Variants in BRD1 observed in about 807,000 individuals in gnomAD.
BRD1 encodes the protein bromodomain containing 1.
Under a neutral mutation model 107.7 loss-of-function variants are expected in BRD1, and 24 were observed. The ratio of observed to expected loss-of-function variants is 0.22; its 90% CI spans 0.16 to 0.31. BRD1 has a LOEUF of 0.31. Among genes scored for constraint, BRD1 ranks in the 10% least tolerant of loss-of-function variants. BRD1 has a pLI of 1.00. For synonymous variants in BRD1, 744 were observed against 686.1 expected (o/e 1.08, Z -1.32); for missense variants, 1,279 against 1,638.6 (o/e 0.78, Z 3.79).
Position 49,792,387 on chromosome 22 carries a change from C to T in BRD1, c.2359+1647G>A, listed in dbSNP as rs2059451687. 6.6e-6 allele frequency among the ~76,000 whole-genome samples: 1 copy of T among 152,160 alleles called. No individual in the cohort carries two copies. The highest frequency in any genetic ancestry group is 2.4e-5 in the African/African-American group (1 of 41,434). On this transcript the variant is annotated intron_variant, in intron 7 of 12. Coordinates refer to ENST00000404760, the MANE Select transcript of BRD1 (RefSeq NM_001304808.3). The surrounding 1 kb of genome is among the most constrained non-coding windows in gnomAD (Gnocchi z 4.2). ...CACAGCCAGAGGATGCCTCGGTGGG[C>T]TGCACGGAAGCAAAGGCTGCGGGAC...
chr22:49,778,516 TC>T (rs890892209), intron 8 of BRD1, among the ~76,000 whole-genome samples: 4 of 152,116 alleles, frequency 2.6e-5, no homozygotes, highest in African/African-American at 9.7e-5. Context: ...CTCAGTATTT[TC>T]CCCCTAAAAA....
Position 49,787,372 on chromosome 22 carries a change from GC to G in BRD1, c.2857+17del. The G allele has an allele frequency of 1.3e-6, 2 of 1,594,002 alleles. No individual in the cohort carries two copies. Among genetic ancestry groups the G allele is most frequent in the Non-Finnish European group, 1.7e-6 (2 of 1,170,502 alleles). On this transcript the variant is annotated intron_variant, in intron 8 of 12. Transcript: ENST00000404760. ...CTGGTCGGCAAGGGCGCCTCTCAGG[GC>G]CGCCCGCGGCATTTACCTGCGTCCA...
At position 49,798,621 on chromosome 22, in the gene BRD1, C is replaced by G. The variant is rs1395458101; in HGVS notation, c.1722G>C (p.Val574=). The G allele has an allele frequency of 6.2e-7, 1 of 1,613,988 alleles. No homozygotes were observed. Among genetic ancestry groups the G allele is most frequent in the Non-Finnish European group, 8.5e-7 (1 of 1,180,012 alleles). Residue 574 remains valine, a synonymous_variant, in exon 5 of 13, where the codon GTG becomes GTC. Coordinates refer to ENST00000404760, the MANE Select transcript of BRD1 (RefSeq NM_001304808.3). The part of the protein sequence containing the change: ...LTPLTVLLRS[V]LDQLQDKDPA... ...GGTCCTTGTCTTGCAGCTGGTCCAG[C>G]ACTGAGCGCAGCAGCACCGTCAGCG...
intron 6 of BRD1, among the ~76,000 whole-genome samples, chr22:49,796,847 G>A (rs2059542903): frequency 6.6e-6 from 1 of 152,190 alleles, no homozygotes; most frequent in African/African-American, 2.4e-5. Flanking sequence ...CGGGAACGTG[G>A]ACCCCGCGAT....
At chr22:49,827,342 G>C (rs1319275093) in intron 1 of BRD1, among the ~76,000 whole-genome samples, 155 bp downstream of exon 1, 2 of 146,780 alleles carry the variant, frequency 1.4e-5, no homozygotes, top group African/African-American at 5.1e-5. Context: ...CCGGGCTCCC[G>C]GCCCGCAGAC....
rs927409851 is a variant in BRD1, at chr22:49,803,462, C to T, written c.1524+742G>A. ...CACTAGGCAGCGTGGGCAGAGGGCG[C>T]TGGCCGCAGGTCCTGGGCCGTGTGC... On this transcript the variant is annotated intron_variant, in intron 3 of 12. Coordinates refer to ENST00000404760, the MANE Select transcript of BRD1 (RefSeq NM_001304808.3). This position sits in a 1 kb window ranked among gnomAD's most constrained non-coding sequence, Gnocchi z 4.4. 6.6e-6 allele frequency among the ~76,000 whole-genome samples: 1 copy of T among 152,258 alleles called. No individual in the cohort carries two copies. The highest frequency in any genetic ancestry group is 1.5e-5 in the Non-Finnish European group (1 of 68,048).
intron 6 of BRD1, 30 bp downstream of exon 6, chr22:49,797,775 A>G (rs1180582836): frequency 1.3e-6 from 2 of 1,552,530 alleles, no homozygotes; most frequent in South Asian, 1.2e-5. Flanking sequence ...AGCGTCTTCC[A>G]CCTCCTCCGG....
At position 49,783,058 on chromosome 22, in the gene BRD1, T is replaced by C. The variant is rs1390035626; in HGVS notation, c.2857+4332A>G. Among the ~76,000 whole-genome samples, 13 of 144,636 alleles carry C rather than the reference T, an allele frequency of 9.0e-5. No individual in the cohort carries two copies. The highest frequency in any genetic ancestry group is 4.5e-4 in the South Asian group (2 of 4,440). 94.9% of individuals were successfully genotyped at this position (144,636 alleles called of 152,430 possible). A position where few individuals can be genotyped will look rare whatever the true frequency, so the allele number is the denominator to read the frequency against. ...GCCCATCGTGCTGGGACTCGCTCCG[T>C]GACAATGCAGCTGGGATGGTCAGAG... On this transcript the variant is annotated intron_variant, in intron 8 of 12. Coordinates refer to ENST00000404760, the MANE Select transcript of BRD1 (RefSeq NM_001304808.3). The surrounding 1 kb of genome is among the most constrained non-coding windows in gnomAD (Gnocchi z 4.2).
rs2060126370 is a variant in BRD1 at position 49,824,597 on chromosome 22, G to C, written c.-14-266C>G. On this transcript the variant is annotated intron_variant, in intron 1 of 12. Transcript: ENST00000404760. This position sits in a 1 kb window ranked among gnomAD's most constrained non-coding sequence, Gnocchi z 5.9. ...CCTGCGTCCCTACCACCACACACCAGTCCCCTCTCAGACCACACCAACAGG... is the reference window on the plus strand; with the variant it reads ...CCTGCGTCCCTACCACCACACACCACTCCCCTCTCAGACCACACCAACAGG... 7.8e-7 allele frequency: 1 copy of C among 1,285,146 alleles called. No homozygotes were observed. Among genetic ancestry groups the C allele is most frequent in the African/African-American group, 1.5e-5 (1 of 66,344 alleles). The allele number at this position is 1,285,146 out of a possible 1,614,324, so 79.6% of individuals were successfully genotyped here.
In BRD1 at chr22:49,823,434, G is replaced by GCA; in HGVS notation, c.882_883dup (p.Ala295ValfsTer22). ...AAAGCCGACCTCTGGGATCCACAGG[G>GCA]CACACACCACGTGACCCCAGCGGTC... On this transcript the variant is annotated frameshift_variant, in exon 2 of 13. Transcript: ENST00000404760. LOFTEE classifies it high-confidence loss of function. 1 of 1,611,840 alleles carries GCA rather than the reference G, an allele frequency of 6.2e-7. No homozygotes were observed.
In BRD1 at chr22:49,776,028, G is replaced by A. The variant is rs116440669; in HGVS notation, c.3231+22C>T. 5.3e-3 allele frequency: 8,383 copies of A among 1,582,604 alleles called. 386 individuals are homozygous for A. In the African/African-American group the frequency reaches 0.1, roughly 20 times the overall value. On this transcript the variant is annotated intron_variant, in intron 11 of 12. Transcript: ENST00000404760. ...GTGTGAGCCTCCTCTGGACCCGCAG[G>A]CGCCACGAGAGCCGTACTCACCAGT...
rs369933196 is a variant in BRD1 at position 49,775,572 on chromosome 22, C to T, written c.3386+19G>A. 2.2e-4 allele frequency: 349 copies of T among 1,566,204 alleles called. 4 individuals carry two copies. The South Asian group carries it at 3.8e-3, about 17-fold the overall frequency. On this transcript the variant is annotated intron_variant, in intron 12 of 12. Coordinates refer to ENST00000404760, the MANE Select transcript of BRD1 (RefSeq NM_001304808.3). ...AACCACCCCAGCCGGTCCCCGGAGTCTAAGGCCTCTCAACTCACCAACTTC... is the reference window on the plus strand; with the variant it reads ...AACCACCCCAGCCGGTCCCCGGAGTTTAAGGCCTCTCAACTCACCAACTTC...
chr22:49,816,729 T>G (rs2059959969), intron 2 of BRD1, among the ~76,000 whole-genome samples: 1 of 152,194 alleles, frequency 6.6e-6, no homozygotes, highest in Non-Finnish European at 1.5e-5. Flanking sequence ...TGAGACCCTG[T>G]CTCTATAAAA....
chr22:49,787,530 G>T lies in BRD1; in HGVS notation c.2717C>A (p.Ser906Tyr). 1 of 1,610,968 alleles carries T rather than the reference G, an allele frequency of 6.2e-7. No homozygotes were observed. Among genetic ancestry groups the T allele is most frequent in the South Asian group, 1.1e-5 (1 of 90,522 alleles). ...SAKNTETQPT[S>Y]PQLGTKTFLS... is the part of the protein sequence containing the mutation. ...AAAGGTTTTGGTCCCTAGCTGAGGA[G>T]AAGTTGGCTGGGTTTCAGTGTTCTT... Residue 906 changes from serine (S) to tyrosine (Y), a missense_variant, in exon 8 of 13, where the codon TCT becomes TAT. Ser to Tyr is a moderately radical substitution (Grantham distance 144). Transcript: ENST00000404760.
Position 49,777,117 on chromosome 22 carries a change from C to A in BRD1, c.3038G>T (p.Arg1013Leu), listed in dbSNP as rs762473117. ...KCGRGKPALV[R>L]RHTLEDRSEL... Reference sequence around the variant, plus strand: ...ACTGCGGTCCTCCAGCGTGTGCCGTCGCACAAGAGCCGGTTTGCCCCGCCC... The same window carrying A: ...ACTGCGGTCCTCCAGCGTGTGCCGTAGCACAAGAGCCGGTTTGCCCCGCCC... The change falls in exon 10 of 13, where the codon CGA (arginine) becomes CTA (leucine). Residue 1013 changes from arginine (R) to leucine (L), a missense_variant. This residue lies in a region of BRD1 where 263 missense variants were observed against 251.6 expected (regional missense o/e 1.05). Transcript: ENST00000404760. The A allele has an allele frequency of 6.2e-7, 1 of 1,613,344 alleles. No individual in the cohort carries two copies. Among genetic ancestry groups the A allele is most frequent in the Non-Finnish European group, 8.5e-7 (1 of 1,180,000 alleles).
At position 49,794,063 on chromosome 22, in the gene BRD1, G is replaced by A; in HGVS notation, c.2330C>T (p.Ala777Val). The A allele has an allele frequency of 6.2e-7, 1 of 1,613,952 alleles. No homozygotes were observed. Among genetic ancestry groups the A allele is most frequent in the Non-Finnish European group, 8.5e-7 (1 of 1,180,018 alleles). Residue 777 changes from alanine (A) to valine (V), a missense_variant, in exon 7 of 13, where the codon GCT becomes GTT. Physicochemically the swap from Ala to Val is moderately conservative, Grantham distance 64. Coordinates refer to ENST00000404760, the MANE Select transcript of BRD1 (RefSeq NM_001304808.3). ...PGLEGFEEDG[A>V]ALGPEAGEEG... Reference sequence around the variant, plus strand: ...CTCGCCCGCCTCCGGCCCCAGCGCAGCTCCGTCCTCTTCGAAGCCTTCCAA... The same window carrying A: ...CTCGCCCGCCTCCGGCCCCAGCGCAACTCCGTCCTCTTCGAAGCCTTCCAA...
At chr22:49,797,718 C>A (rs1397637065) in intron 6 of BRD1, 87 bp downstream of exon 6, 2 of 1,392,914 alleles carry the variant, frequency 1.4e-6, no homozygotes, top group Non-Finnish European at 1.9e-6. Context: ...CCGGACCATG[C>A]TGATAGGGAG....
chr22:49,825,887 T>C (rs1398152848), intron 1 of BRD1: 3 of 152,208 alleles, frequency 2.0e-5, no homozygotes, highest in Non-Finnish European at 2.9e-5. Context: ...TCATTGTATG[T>C]TGAAACTAGA....
At chr22:49,799,827 G>A (rs949017291) in intron 3 of BRD1, among the ~76,000 whole-genome samples, 1 of 152,262 alleles carries the variant, frequency 6.6e-6, no homozygotes, top group African/African-American at 2.4e-5. Context: ...GATGGTCGCA[G>A]GAGAGTAGGC....
Sources: gnomAD v4.1 joint callset for allele counts (sites outside exome capture counted in the v4.1 genomes callset) on GRCh38, gnomAD v4.1.1 for gene constraint, gnomAD v4.1.1 regional missense constraint, Gnocchi (gnomAD v3.1) non-coding constraint, MANE v1.5 for transcripts, NCBI Gene and HGNC (gene_info 2026-07-23, HGNC 2026-07-21) for gene names.